Variants in CENPP observed in about 807,000 individuals in gnomAD.
CENPP encodes centromere protein P.
CENPP carries 24 observed loss-of-function variants against 35.6 expected under a neutral mutation model. That is an observed-to-expected ratio of 0.67 (90% confidence interval 0.49 to 0.95). CENPP has a LOEUF of 0.95. CENPP is among the 40% of genes least tolerant of loss of function. CENPP has a pLI of 0.00. For missense variants in CENPP, 332 were observed against 345.3 expected (o/e 0.96, Z 0.31); for synonymous variants, 120 against 125.5 (o/e 0.96, Z 0.29).
At chr9:92,541,463 C>G (rs973790595) in intron 5 of CENPP, among the ~76,000 whole-genome samples, 87 of 130,904 alleles carry the variant, frequency 6.6e-4, no homozygotes, top group African/African-American at 2.3e-3. Context: ...CTGGTTCAAG[C>G]GATTCCCCTG....
intron 5 of CENPP, chr9:92,459,732 T>A (rs1564332237): frequency 6.2e-7 from 1 of 1,613,606 alleles, no homozygotes; most frequent in African/African-American, 1.3e-5. Flanking sequence ...AAGACTCCCA[T>A]TTTCGATATC....
chr9:92,615,947 A>G lies in CENPP; in HGVS notation c.*2798A>G. 2 of 1,614,186 alleles carry G rather than the reference A, an allele frequency of 1.2e-6. No individual in the cohort carries two copies. Among genetic ancestry groups the G allele is most frequent in the Non-Finnish European group, 8.5e-7 (1 of 1,180,010 alleles). ...ATAATAGTTGACGATCTTGCCGTCCAGTTTATACTGATGGGGAATGCTCTC... is the reference window on the plus strand; with the variant it reads ...ATAATAGTTGACGATCTTGCCGTCCGGTTTATACTGATGGGGAATGCTCTC... On this transcript the variant is annotated 3_prime_UTR_variant, in exon 8 of 8. Transcript: ENST00000375587.
At chr9:92,551,943 A>AT (rs1181140105) in intron 5 of CENPP, among the ~76,000 whole-genome samples, 34 of 107,694 alleles carry the variant, frequency 3.2e-4, no homozygotes, top group African/African-American at 3.7e-4. Context: ...ATATATATAT[A>AT]TATATATATG....
chr9:92,502,620 T>G, intron 5 of CENPP: 2 of 1,599,598 alleles, frequency 1.3e-6, no homozygotes, highest in Non-Finnish European at 1.7e-6. Flanking sequence ...TTTCAGTTAT[T>G]TCTTCAATTT....
intron 4 of CENPP, among the ~76,000 whole-genome samples, chr9:92,349,957 A>G (rs904276716): frequency 6.6e-6 from 1 of 152,192 alleles, no homozygotes; most frequent in Non-Finnish European, 1.5e-5. Flanking sequence ...GTATAAGAGT[A>G]TGTTTAAATT....
At chr9:92,475,732 A>G (rs553181303) in intron 5 of CENPP, among the ~76,000 whole-genome samples, 116 of 152,176 alleles carry the variant, frequency 7.6e-4, no homozygotes, top group African/African-American at 2.7e-3. Context: ...TTTTTCCACA[A>G]TTGGTATCTT....
chr9:92,577,959 C>T (rs956694181), intron 5 of CENPP, among the ~76,000 whole-genome samples: 5 of 121,700 alleles, frequency 4.1e-5, no homozygotes, highest in Admixed American at 3.0e-4. Context: ...CTCCCCCCAC[C>T]CCACAACAGT....
chr9:92,444,887 G>A lies in CENPP; in HGVS notation c.564+65028G>A, dbSNP rs1204307734. Among the ~76,000 whole-genome samples the A allele has an allele frequency of 3.3e-5, 5 of 152,196 alleles. No individual in the cohort carries two copies. The South Asian group carries it at 6.2e-4, about 19-fold the overall frequency. ...CATGGGCCCCTAGGAGTTACCTGGC[G>A]GCTGTACTGCAAGCAGGTGTGGCCA... On this transcript the variant is annotated intron_variant, in intron 5 of 7. Coordinates refer to ENST00000375587, the MANE Select transcript of CENPP (RefSeq NM_001012267.3).
chr9:92,351,524 C>G lies in CENPP; in HGVS notation c.467+5737C>G, dbSNP rs1841443361. Among the ~76,000 whole-genome samples, 5 of 151,896 alleles carry G rather than the reference C, an allele frequency of 3.3e-5. No homozygotes were observed. In the South Asian group the frequency reaches 1.0e-3, roughly 32 times the overall value. ...AACTTTGTACCCATAAACAATAACTCCCACTTCCTCCCTCTCCTCATCCAC... is the reference window on the plus strand; with the variant it reads ...AACTTTGTACCCATAAACAATAACTGCCACTTCCTCCCTCTCCTCATCCAC... On this transcript the variant is annotated intron_variant, in intron 4 of 7. Coordinates refer to ENST00000375587, the MANE Select transcript of CENPP (RefSeq NM_001012267.3).
intron 5 of CENPP, among the ~76,000 whole-genome samples, chr9:92,609,828 C>T (rs1456277561): frequency 1.3e-5 from 2 of 152,098 alleles, no homozygotes; most frequent in African/African-American, 4.8e-5. Flanking sequence ...GCAGCCTCCG[C>T]CTCCTGGGTT....
rs776245671 is a variant in CENPP, at chr9:92,564,388, C to CA, written c.565-46914dup. 6.8e-3 allele frequency among the ~76,000 whole-genome samples: 890 copies of CA among 131,318 alleles called. 4 individuals are homozygous for CA. The highest frequency in any genetic ancestry group is 0.015 in the East Asian group (68 of 4,632). 86.1% of individuals were successfully genotyped at this position (131,318 alleles called of 152,430 possible). On this transcript the variant is annotated intron_variant, in intron 5 of 7. Transcript: ENST00000375587. The stretch of plus-strand genomic sequence containing the variant: ...TGGGCAACAGAACAAGACTCTGTCT[C>CA]AAAAAAAAAAAATAAAATAAAGGTT...
chr9:92,574,120 G>A (rs112951572), intron 5 of CENPP, among the ~76,000 whole-genome samples: 2,328 of 152,214 alleles, frequency 0.015, 72 homozygotes, highest in African/African-American at 0.053. Context: ...GATGAACCCG[G>A]TACCTCAGTT....
At chr9:92,587,585 C>T (rs1340223951) in intron 5 of CENPP, among the ~76,000 whole-genome samples, 1 of 152,078 alleles carries the variant, frequency 6.6e-6, no homozygotes, top group Non-Finnish European at 1.5e-5. Context: ...CTAAATAAGC[C>T]AGACACAAAA....
At chr9:92,422,789 A>C (rs1326068329) in intron 5 of CENPP, among the ~76,000 whole-genome samples, 1 of 152,174 alleles carries the variant, frequency 6.6e-6, no homozygotes, top group Non-Finnish European at 1.5e-5. Flanking sequence ...CTGTTACAAC[A>C]ATCTCTTATT....
intron 5 of CENPP, among the ~76,000 whole-genome samples, chr9:92,387,110 C>T (rs1436246896): frequency 2.7e-5 from 4 of 148,670 alleles, no homozygotes; most frequent in East Asian, 2.0e-4. Context: ...TGGTGGCTCA[C>T]GCCTGTAATC....
chr9:92,355,222 C>G (rs1841559336), intron 4 of CENPP, among the ~76,000 whole-genome samples: 1 of 152,152 alleles, frequency 6.6e-6, no homozygotes, highest in Admixed American at 6.5e-5. Context: ...GGGCGTATCT[C>G]AGTCCTTATC....
chr9:92,569,304 G>T (rs182135529), intron 5 of CENPP, among the ~76,000 whole-genome samples: 12 of 152,288 alleles, frequency 7.9e-5, no homozygotes, highest in African/African-American at 2.9e-4. Context: ...CATATAGCTA[G>T]CCAGTTTTCC....
At position 92,427,623 on chromosome 9, in the gene CENPP, G is replaced by T. The variant is rs552176722; in HGVS notation, c.564+47764G>T. Among the ~76,000 whole-genome samples, 73 of 152,168 alleles carry T rather than the reference G, an allele frequency of 4.8e-4. No individual in the cohort carries two copies. In the South Asian group the frequency reaches 0.014, roughly 30 times the overall value. ...GGCCTCCCAAGTAGCTGGTATTACAGGCATGTGCCACCATGTCTGGCTAAT... is the reference window on the plus strand; with the variant it reads ...GGCCTCCCAAGTAGCTGGTATTACATGCATGTGCCACCATGTCTGGCTAAT... On this transcript the variant is annotated intron_variant, in intron 5 of 7. Coordinates refer to ENST00000375587, the MANE Select transcript of CENPP (RefSeq NM_001012267.3).
At chr9:92,465,010 A>C in intron 5 of CENPP, 2 of 1,613,228 alleles carry the variant, frequency 1.2e-6, no homozygotes, top group Non-Finnish European at 1.7e-6. Context: ...CATTATTATC[A>C]AGAGGGTTTG....
Sources: gnomAD v4.1 joint callset for allele counts (sites outside exome capture counted in the v4.1 genomes callset) on GRCh38, gnomAD v4.1.1 for gene constraint, MANE v1.5 for transcripts, NCBI Gene and HGNC (gene_info 2026-07-23, HGNC 2026-07-21) for gene names.